CIITA: variants seen among roughly 807,000 people sequenced by gnomAD.
CIITA encodes the protein MHC class II transactivator.
CIITA carries 72 observed loss-of-function variants against 115.1 expected under a neutral mutation model. That is an observed-to-expected ratio of 0.63 (90% CI 0.52 to 0.76). The LOEUF (loss-of-function observed/expected upper bound fraction) is 0.76, where lower values mean the gene tolerates loss of function less well. CIITA is among the 30% of genes least tolerant of loss of function. The probability of loss-of-function intolerance (pLI) is 0.00; values close to 1 mark genes in which losing one functional copy is unlikely to be tolerated. For missense variants in CIITA, 1,617 were observed against 1,463.8 expected, an observed-to-expected ratio of 1.10 and a Z score of -1.71; for synonymous variants, 763 against 635.6, an observed-to-expected ratio of 1.20 and a Z score of -3.02.
At chr16:10,922,876 G>T (rs1464882342) in intron 18 of CIITA, 1 of 493,760 alleles carries the variant, frequency 2.0e-6, no homozygotes, top group Middle Eastern at 5.6e-4. Flanking sequence ...GTCCAATACT[G>T]GTTACTTTAT....
Position 10,920,034 on chromosome 16 carries a change from G to T in CIITA, c.3149+1508G>T, listed in dbSNP as rs1197955366. On this transcript the variant is annotated intron_variant, in intron 16 of 19. Coordinates refer to ENST00000324288, the MANE Select transcript of CIITA (RefSeq NM_000246.4). The surrounding 1 kb of genome is among the most constrained non-coding windows in gnomAD (Gnocchi z 4.5). ...GCAAAGGCCCTAAGTGGGAAAAGGG[G>T]CTGTGTTTTAAGGGTCAGAAGGGCC... 6.6e-6 allele frequency among the ~76,000 whole-genome samples: 1 copy of T among 152,102 alleles called. No individual in the cohort carries two copies. The highest frequency in any genetic ancestry group is 1.5e-5 in the Non-Finnish European group (1 of 68,016).
At position 10,906,904 on chromosome 16, in the gene CIITA, C is replaced by T; in HGVS notation, c.1412C>T (p.Ser471Phe). The T allele has an allele frequency of 6.2e-7, 1 of 1,613,522 alleles. No individual in the cohort carries two copies. The highest frequency in any genetic ancestry group is 8.5e-7 in the Non-Finnish European group (1 of 1,180,032). Residue 471 changes from serine to phenylalanine, a missense_variant, in exon 11 of 20, where the codon TCC (serine) becomes TTC (phenylalanine). Physicochemically the swap from Ser to Phe is radical, Grantham distance 155. Coordinates refer to ENST00000324288, the MANE Select transcript of CIITA (RefSeq NM_000246.4). ...TATGGCCTGCAGGATCTGCTCTTCT[C>T]CCTGGGCCCACAGCCACTCGTGGCG... ...DAYGLQDLLF[S>F]LGPQPLVAAD...
rs369784128 is a variant in CIITA at position 10,899,001 on chromosome 16, A to G, written c.435A>G (p.Arg145=). ...AAGTTGGGCAGAAAAGTCAGAAAAG[A>G]CGTGAGTGAGCCCCTCCCTGATCCA... ...PAEVGQKSQK[R]PFPEELPADL... Residue 145 remains arginine (R), a splice_region_variant and synonymous_variant, in exon 5 of 20, where the codon AGA becomes AGG. Transcript: ENST00000324288. 2 of 1,614,078 alleles carry G rather than the reference A, an allele frequency of 1.2e-6. No homozygotes were observed. The highest frequency in any genetic ancestry group is 1.7e-6 in the Non-Finnish European group (2 of 1,179,980).
chr16:10,910,313 A>T, intron 13 of CIITA, 54 bp downstream of exon 13: 1 of 1,455,898 alleles, frequency 6.9e-7, no homozygotes, highest in Non-Finnish European at 9.6e-7. Flanking sequence ...CCCCTGCAGC[A>T]TTAGCTGGGC....
chr16:10,900,754 A>G (rs1295162959), intron 5 of CIITA, among the ~76,000 whole-genome samples: 3 of 150,608 alleles, frequency 2.0e-5, no homozygotes, highest in Non-Finnish European at 1.5e-5. Context: ...AAAAAAAAAA[A>G]TGTTTTCAAG....
rs979768778 is a variant in CIITA, at chr16:10,879,229, G to C, written c.52+1847G>C. ...CGCAACGACTCTGCGCGGGAACCAG[G>C]AGCCGGGAACCCGGAGCTTGGCTTG... is the stretch of plus-strand genomic sequence containing the variant. On this transcript the variant is annotated intron_variant, in intron 1 of 19. Transcript: ENST00000324288. The surrounding 1 kb of genome is among the most constrained non-coding windows in gnomAD (Gnocchi z 4.3). Among the ~76,000 whole-genome samples the C allele has an allele frequency of 2.6e-5, 4 of 152,198 alleles. No individual in the cohort carries two copies. The highest frequency in any genetic ancestry group is 9.7e-5 in the African/African-American group (4 of 41,444).
rs139200062 is a variant in CIITA at position 10,909,045 on chromosome 16, A to G, written c.2674A>G (p.Thr892Ala). 1.5e-4 allele frequency: 248 copies of G among 1,614,056 alleles called. No homozygotes were observed. Among genetic ancestry groups the G allele is most frequent in the Non-Finnish European group, 2.0e-4 (236 of 1,180,030 alleles). The change falls in exon 12 of 20, where the codon ACG (threonine) becomes GCG (alanine). Residue 892 changes from threonine (T) to alanine (A), a missense_variant. Thr to Ala is a moderately conservative substitution (Grantham distance 58). Transcript: ENST00000324288. ...VTRFRAALSD[T>A]VALWESLQQH... ...CCTCCACAGGGCTGCCTTGAGCGACACGGTGGCGCTGTGGGAGTCCCTGCA... is the reference window on the plus strand; with the variant it reads ...CCTCCACAGGGCTGCCTTGAGCGACGCGGTGGCGCTGTGGGAGTCCCTGCA...
rs375831055 is a variant in CIITA, at chr16:10,905,958, G to A, written c.1007-541G>A. ...TCCCAGCACTTTGGGAGGCCAAGGC[G>A]GAACGATTGCTTGAGCCCAGGAGCT... On this transcript the variant is annotated intron_variant, in intron 10 of 19. Transcript: ENST00000324288. Among the ~76,000 whole-genome samples, 21 of 151,956 alleles carry A rather than the reference G, an allele frequency of 1.4e-4. No individual in the cohort carries two copies. The East Asian group carries it at 1.5e-3, about 11-fold the overall frequency.
At chr16:10,909,560 T>C (rs575144478) in intron 12 of CIITA, among the ~76,000 whole-genome samples, 2 of 152,316 alleles carry the variant, frequency 1.3e-5, no homozygotes, top group South Asian at 4.1e-4. Flanking sequence ...ACGGCAGAGC[T>C]AAGGTCCAGA....
chr16:10,898,680 C>T lies in CIITA; in HGVS notation c.306C>T (p.Asp102=), dbSNP rs746093639. 1 of 1,610,670 alleles carries T rather than the reference C, an allele frequency of 6.2e-7. No individual in the cohort carries two copies. Among genetic ancestry groups the T allele is most frequent in the South Asian group, 1.1e-5 (1 of 90,514 alleles). ...TCCTTGTCTGGGCAGCGGAACTGGA[C>T]CAGTATGTCTTCCAGGACTCCCAGC... The part of the protein sequence containing the change: ...REAYANIAEL[D]QYVFQDSQLE... The change falls in exon 4 of 20, where the codon GAC becomes GAT. Residue 102 remains aspartate, a synonymous_variant. Transcript: ENST00000324288.
chr16:10,915,161 C>G, intron 13 of CIITA: 1 of 410,960 alleles, frequency 2.4e-6, no homozygotes, highest in East Asian at 7.0e-5. Flanking sequence ...AGCGATGCTT[C>G]CACCTCAGCC....
At position 10,924,591 on chromosome 16, in the gene CIITA, G is replaced by C. The variant is rs2040453567; in HGVS notation, c.*736G>C. ...CCAGACACCTTGACAGGGCACACCG[G>C]GCACTCAGAAGACACTGATGGGCAA... On this transcript the variant is annotated 3_prime_UTR_variant, in exon 20 of 20. Transcript: ENST00000324288. 1 of 152,230 alleles carries C rather than the reference G, an allele frequency of 6.6e-6. No homozygotes were observed. The highest frequency in any genetic ancestry group is 2.1e-4 in the South Asian group (1 of 4,828). 9.4% of individuals were successfully genotyped at this position (152,230 alleles called of 1,614,324 possible). A position where few individuals can be genotyped will look rare whatever the true frequency, so the allele number is the denominator to read the frequency against.
At chr16:10,910,347 A>C in intron 13 of CIITA, 88 bp downstream of exon 13, 1 of 1,104,448 alleles carries the variant, frequency 9.1e-7, no homozygotes, top group Non-Finnish European at 1.4e-6. Context: ...ATGGAGATAG[A>C]TCTCCAGAAT....
Position 10,904,740 on chromosome 16 carries a change from C to T in CIITA, c.938-4C>T, listed in dbSNP as rs534252989. ...AAATCTGGCACCTGCTTCTCCATCT[C>T]CAGAGCACAAGACGTCCCCCACCCA... is the stretch of plus-strand genomic sequence containing the variant. On this transcript the variant is annotated splice_polypyrimidine_tract_variant and splice_region_variant and intron_variant, in intron 9 of 19. Coordinates refer to ENST00000324288, the MANE Select transcript of CIITA (RefSeq NM_000246.4). 9.3e-6 allele frequency: 15 copies of T among 1,614,108 alleles called. No homozygotes were observed. In the African/African-American group the frequency reaches 1.9e-4, roughly 20 times the overall value.
At chr16:10,885,289 T>C (rs2036829876) in intron 1 of CIITA, among the ~76,000 whole-genome samples, 1 of 152,032 alleles carries the variant, frequency 6.6e-6, no homozygotes, top group Non-Finnish European at 1.5e-5. Flanking sequence ...TCTCCAGACC[T>C]CTCCTGACAC....
intron 16 of CIITA, 71 bp from the exon 17 acceptor site, chr16:10,922,096 G>A: frequency 7.4e-7 from 1 of 1,345,572 alleles, no homozygotes. Context: ...TGGAATCTAG[G>A]GATGGTGGCT....
At chr16:10,882,065 G>C (rs1004869849) in intron 1 of CIITA, among the ~76,000 whole-genome samples, 5 of 152,142 alleles carry the variant, frequency 3.3e-5, no homozygotes, top group African/African-American at 1.2e-4. Flanking sequence ...CCATTCATTT[G>C]TTGATAGACA....
chr16:10,917,978 G>A (rs969771982), intron 15 of CIITA, among the ~76,000 whole-genome samples: 16 of 152,010 alleles, frequency 1.1e-4, no homozygotes, highest in Non-Finnish European at 2.4e-4. Flanking sequence ...TAGTCCTTCC[G>A]TCCCCCTCTT....
rs2040382569 is a variant in CIITA at position 10,923,430 on chromosome 16, C to T, written c.*22+105C>T. On this transcript the variant is annotated intron_variant, in intron 19 of 19. Coordinates refer to ENST00000324288, the MANE Select transcript of CIITA (RefSeq NM_000246.4). The surrounding 1 kb of genome is among the most constrained non-coding windows in gnomAD (Gnocchi z 5.2). The stretch of plus-strand genomic sequence containing the variant: ...TGGGCGGGACACAGGTGGGGCTAGG[C>T]CACCACCCTTGGACGCATGCGTCAT... 1 of 874,004 alleles carries T rather than the reference C, an allele frequency of 1.1e-6. No homozygotes were observed. Among genetic ancestry groups the T allele is most frequent in the Admixed American group, 1.8e-5 (1 of 54,788 alleles). 54.1% of individuals were successfully genotyped at this position (874,004 alleles called of 1,614,324 possible).
Sources: allele counts gnomAD v4.1 joint callset (sites outside exome capture counted in the v4.1 genomes callset), GRCh38; gene constraint gnomAD v4.1.1; non-coding constraint Gnocchi (gnomAD v3.1); transcripts MANE v1.5; gene names NCBI Gene and HGNC (gene_info 2026-07-23, HGNC 2026-07-21).